The following TNFAIP6 variants were observed in gnomAD, a reference collection of about 807,000 sequenced individuals.
TNFAIP6 encodes the protein TNF alpha induced protein 6, also known as tumor necrosis factor-inducible gene 6 protein.
TNFAIP6 carries 36 observed loss-of-function variants against 33.7 expected under a neutral mutation model. The observed-to-expected ratio is 1.07, with a 90% CI of 0.82 to 1.41. The LOEUF is 1.41. TNFAIP6 is among the 40% of genes most tolerant of loss of function. The pLI is 0.00. For synonymous variants in TNFAIP6, 113 were observed against 112.8 expected, an observed-to-expected ratio of 1.00 and a Z score of -0.01; for missense variants, 273 against 331.9, an observed-to-expected ratio of 0.82 and a Z score of 1.38.
Position 151,379,483 on chromosome 2 carries a change from A to G in TNFAIP6, c.784A>G (p.Thr262Ala), listed in dbSNP as rs371407882. 9 of 1,590,034 alleles carry G rather than the reference A, an allele frequency of 5.7e-6. No homozygotes were observed. In the African/African-American group the frequency reaches 1.2e-4, roughly 22 times the overall value. The change falls in exon 6 of 6, where the codon ACT (threonine) becomes GCT (alanine). Residue 262 changes from threonine (T) to alanine (A), a missense_variant. By Grantham distance (58) the Thr-to-Ala change is moderately conservative. Transcript: ENST00000243347. ...CAGTCAAGGAAAAAATACAAGTACTACTTCTACTGGAAATAAAAACTTTTT... is the reference window on the plus strand; with the variant it reads ...CAGTCAAGGAAAAAATACAAGTACTGCTTCTACTGGAAATAAAAACTTTTT... The part of the protein sequence containing the change: ...KSSQGKNTST[T>A]STGNKNFLAG...
At chr2:151,371,589 T>A (rs1402707620) in intron 4 of TNFAIP6, among the ~76,000 whole-genome samples, 1 of 147,232 alleles carries the variant, frequency 6.8e-6, no homozygotes, top group African/African-American at 2.5e-5. Context: ...CTACATCTTT[T>A]TTTCTTTTTT....
At chr2:151,366,549 T>G (rs1684713178) in intron 3 of TNFAIP6, among the ~76,000 whole-genome samples, 1 of 152,174 alleles carries the variant, frequency 6.6e-6, no homozygotes, top group Non-Finnish European at 1.5e-5. Flanking sequence ...TCAGATCTTC[T>G]CTGTGCCAGG....
rs1234552026 is a variant in TNFAIP6 at position 151,363,054 on chromosome 2, G to A, written c.95-889G>A. Among the ~76,000 whole-genome samples, 3 of 152,118 alleles carry A rather than the reference G, an allele frequency of 2.0e-5. No individual in the cohort carries two copies. The East Asian group carries it at 5.8e-4, about 29-fold the overall frequency. The stretch of plus-strand genomic sequence containing the variant: ...TTTTAGGCCGGACACGGAGTCTCAC[G>A]TCTGTAATCCTAACACTTTGGGAGG... On this transcript the variant is annotated intron_variant, in intron 1 of 5. Transcript: ENST00000243347.
At chr2:151,370,285 G>A (rs372726140) in intron 4 of TNFAIP6, 37 bp downstream of exon 4, 111 of 1,476,764 alleles carry the variant, frequency 7.5e-5, no homozygotes, top group Non-Finnish European at 9.6e-5. Flanking sequence ...TTAAATGAAC[G>A]TCCAGTATTT....
chr2:151,358,502 A>G (rs1448550281), intron 1 of TNFAIP6, among the ~76,000 whole-genome samples: 2 of 152,236 alleles, frequency 1.3e-5, no homozygotes, highest in African/African-American at 4.8e-5. Context: ...AGTATGCTAA[A>G]CAATGCTTTA....
At chr2:151,360,082 C>T (rs1039789110) in intron 1 of TNFAIP6, among the ~76,000 whole-genome samples, 1 of 151,972 alleles carries the variant, frequency 6.6e-6, no homozygotes, top group African/African-American at 2.4e-5. Flanking sequence ...GATTGCTTGA[C>T]CCCAGGAATT....
At chr2:151,359,668 G>A (rs1331683841) in intron 1 of TNFAIP6, among the ~76,000 whole-genome samples, 2 of 152,140 alleles carry the variant, frequency 1.3e-5, no homozygotes, top group Non-Finnish European at 2.9e-5. Flanking sequence ...GATTATAGGC[G>A]TGAGCCACCG....
At chr2:151,370,305 C>A in intron 4 of TNFAIP6, 57 bp downstream of exon 4, 1 of 1,298,908 alleles carries the variant, frequency 7.7e-7, no homozygotes, top group Non-Finnish European at 1.1e-6. Flanking sequence ...TTGTTTGATG[C>A]TTCTTTAATT....
rs559527076 is a variant in TNFAIP6, at chr2:151,378,716, C to T, written c.665-648C>T. ...GTTGGTCAGGCTGGTATGGAACTCT[C>T]GACCTCAGGTGATCTGCCCACCTCG... On this transcript the variant is annotated intron_variant, in intron 5 of 5. Coordinates refer to ENST00000243347, the MANE Select transcript of TNFAIP6 (RefSeq NM_007115.4). Among the ~76,000 whole-genome samples the T allele has an allele frequency of 4.0e-5, 6 of 151,768 alleles. No homozygotes were observed. In the East Asian group the frequency reaches 1.2e-3, roughly 30 times the overall value.
intron 5 of TNFAIP6, among the ~76,000 whole-genome samples, chr2:151,376,779 A>G (rs1684913714): frequency 6.6e-6 from 1 of 151,022 alleles, no homozygotes; most frequent in African/African-American, 2.4e-5. Context: ...TTCAATGAAC[A>G]TTTTAAAACC....
At chr2:151,366,336 A>G in intron 3 of TNFAIP6, 119 bp downstream of exon 3, 1 of 827,172 alleles carries the variant, frequency 1.2e-6, no homozygotes, top group Non-Finnish European at 1.9e-6. Context: ...AATAACTACT[A>G]CTAATAACTA....
chr2:151,369,988 G>A, intron 3 of TNFAIP6, 32 bp from the exon 4 acceptor site: 1 of 1,506,862 alleles, frequency 6.6e-7, no homozygotes, highest in East Asian at 2.3e-5. Context: ...TAATGCTTTG[G>A]GGTTTTTACG....
intron 5 of TNFAIP6, among the ~76,000 whole-genome samples, chr2:151,377,477 GTT>G (rs1229166597): frequency 1.8e-4 from 1 of 5,446 alleles, no homozygotes; most frequent in African/African-American, 2.5e-4. Context: ...CCATTTTTGT[GTT>G]TGTTTGTTTG....
chr2:151,357,912 CT>C (rs372063583), intron 1 of TNFAIP6, 152 bp downstream of exon 1: 28,406 of 344,210 alleles, frequency 0.083, 75 homozygotes, highest in South Asian at 0.097. Context: ...AATACATACG[CT>C]TTTTTTTTTT....
In TNFAIP6 at chr2:151,364,014, G is replaced by C. The variant is rs372855249; in HGVS notation, c.166G>C (p.Ala56Pro). 1 of 1,613,970 alleles carries C rather than the reference G, an allele frequency of 6.2e-7. No individual in the cohort carries two copies. The highest frequency in any genetic ancestry group is 8.5e-7 in the Non-Finnish European group (1 of 1,180,016). ...CAAGCTCACCTACGCAGAAGCTAAG[G>C]CGGTGTGTGAATTTGAAGGCGGCCA... ...KYKLTYAEAK[A>P]VCEFEGGHLA... Residue 56 changes from alanine to proline, a missense_variant, in exon 2 of 6, where the codon GCG becomes CCG. Ala to Pro is a conservative substitution (Grantham distance 27). Transcript: ENST00000243347.
At chr2:151,377,276 TCTC>T (rs1684930372) in intron 5 of TNFAIP6, among the ~76,000 whole-genome samples, 1 of 151,144 alleles carries the variant, frequency 6.6e-6, no homozygotes, top group Non-Finnish European at 1.5e-5. Flanking sequence ...TTCACGCCAT[TCTC>T]CTGCCTCAGC....
chr2:151,379,005 C>G (rs1684969564), intron 5 of TNFAIP6, among the ~76,000 whole-genome samples: 1 of 152,008 alleles, frequency 6.6e-6, no homozygotes, highest in South Asian at 2.1e-4. Context: ...GAGGCTGAGG[C>G]AGGAGAATCG....
intron 1 of TNFAIP6, among the ~76,000 whole-genome samples, chr2:151,358,696 C>T (rs1185766869): frequency 6.6e-6 from 1 of 152,148 alleles, no homozygotes; most frequent in Non-Finnish European, 1.5e-5. Flanking sequence ...AATATTTTCC[C>T]TTTCAGCATG....
Position 151,366,043 on chromosome 2 carries a change from T to C in TNFAIP6, c.233-13T>C. The C allele has an allele frequency of 6.2e-7, 1 of 1,613,868 alleles. No individual in the cohort carries two copies. The highest frequency in any genetic ancestry group is 8.5e-7 in the Non-Finnish European group (1 of 1,179,788). The stretch of plus-strand genomic sequence containing the variant: ...TTTACCTGTTTAGTCCATAACTCTT[T>C]TTCTTCTTGCAGGATTTCATGTCTG... On this transcript the variant is annotated splice_polypyrimidine_tract_variant and intron_variant, in intron 2 of 5. Coordinates refer to ENST00000243347, the MANE Select transcript of TNFAIP6 (RefSeq NM_007115.4).
Sources: gnomAD v4.1 joint callset for allele counts (sites outside exome capture counted in the v4.1 genomes callset) on GRCh38, gnomAD v4.1.1 for gene constraint, MANE v1.5 for transcripts, NCBI Gene and HGNC (gene_info 2026-07-23, HGNC 2026-07-21) for gene names.